The following GALNTL6 variants were observed in gnomAD, a reference collection of about 807,000 sequenced individuals.
The protein encoded by GALNTL6 is polypeptide N-acetylgalactosaminyltransferase like 6.
A neutral mutation model predicts 73.7 loss-of-function variants in GALNTL6; 46 were observed. The ratio of observed to expected loss-of-function variants is 0.62; its 90% CI spans 0.49 to 0.80. The LOEUF (loss-of-function observed/expected upper bound fraction) is 0.80. Among genes scored for constraint, GALNTL6 ranks in the 30% least tolerant of loss-of-function variants. The probability of loss-of-function intolerance (pLI) is 0.00; values close to 1 mark genes in which losing one functional copy is unlikely to be tolerated. For missense variants in GALNTL6, 604 were observed against 755.0 expected, an observed-to-expected ratio of 0.80 and a Z score of 2.34; for synonymous variants, 259 against 263.7, an observed-to-expected ratio of 0.98 and a Z score of 0.17.
intron 2 of GALNTL6, among the ~76,000 whole-genome samples, chr4:171,903,193 A>G (rs1031891470): frequency 3.3e-5 from 5 of 152,152 alleles, no homozygotes; most frequent in Admixed American, 6.5e-5. Context: ...CGTGAGCGAC[A>G]CAGAAGACAG....
At chr4:172,572,739 A>T (rs1179050258) in intron 5 of GALNTL6, among the ~76,000 whole-genome samples, 1 of 152,104 alleles carries the variant, frequency 6.6e-6, no homozygotes, top group East Asian at 1.9e-4. Flanking sequence ...CGAATGTTCC[A>T]TCTGAAAAAC....
Position 172,096,643 on chromosome 4 carries a change from AT to A in GALNTL6, c.139-133006del, listed in dbSNP as rs945670907. 8.6e-5 allele frequency among the ~76,000 whole-genome samples: 13 copies of A among 151,852 alleles called. No homozygotes were observed. In the East Asian group the frequency reaches 9.7e-4, roughly 11 times the overall value. ...GTTTTGTTTGATCCACAAATAATTA[AT>A]TTTTTTCTTTTCAAATTTTTCTGTT... On this transcript the variant is annotated intron_variant, in intron 2 of 12. Coordinates refer to ENST00000506823, the MANE Select transcript of GALNTL6 (RefSeq NM_001034845.3).
intron 2 of GALNTL6, among the ~76,000 whole-genome samples, chr4:172,206,787 G>A (rs201168512): frequency 3.1e-5 from 1 of 32,472 alleles, no homozygotes; most frequent in Non-Finnish European, 9.4e-5. Flanking sequence ...TTTTTGTTTT[G>A]TTTTGTTTTG....
chr4:172,964,753 C>T (rs917737119), intron 10 of GALNTL6, among the ~76,000 whole-genome samples: 17 of 152,228 alleles, frequency 1.1e-4, no homozygotes, highest in African/African-American at 3.9e-4. Flanking sequence ...CTAGGAGATG[C>T]ATTATCTCAA....
intron 7 of GALNTL6, among the ~76,000 whole-genome samples, chr4:172,875,732 AACACACACACAC>A (rs59079970): frequency 8.9e-5 from 13 of 145,824 alleles, no homozygotes; most frequent in African/African-American, 2.8e-4. Context: ...CTCATACATA[AACACACACACAC>A]ACACACACAC....
chr4:173,037,990 G>A (rs771032389), intron 12 of GALNTL6, among the ~76,000 whole-genome samples: 9 of 152,130 alleles, frequency 5.9e-5, no homozygotes, highest in Admixed American at 4.6e-4. Context: ...TGATCTGCCC[G>A]CCATGGCCTC....
chr4:171,839,901 A>G (rs1024635796), intron 2 of GALNTL6, among the ~76,000 whole-genome samples: 3 of 152,032 alleles, frequency 2.0e-5, no homozygotes, highest in African/African-American at 7.2e-5. Context: ...TTTTTGCATC[A>G]TTTAAATGTA....
intron 2 of GALNTL6, among the ~76,000 whole-genome samples, chr4:172,178,698 A>C (rs1735131235): frequency 7.4e-6 from 1 of 135,526 alleles, no homozygotes; most frequent in Admixed American, 7.7e-5. Context: ...GTACATGTGC[A>C]CATTGTGCAG....
At chr4:172,557,835 G>A (rs537039230) in intron 5 of GALNTL6, among the ~76,000 whole-genome samples, 3 of 150,666 alleles carry the variant, frequency 2.0e-5, no homozygotes, top group African/African-American at 7.5e-5. Context: ...AGAAATCTAG[G>A]TGTTTTTTTT....
intron 5 of GALNTL6, among the ~76,000 whole-genome samples, chr4:172,565,519 G>A (rs1196486683): frequency 6.6e-6 from 1 of 152,074 alleles, no homozygotes; most frequent in African/African-American, 2.4e-5. Flanking sequence ...ATTTTGTTGA[G>A]GATATTTGCA....
At chr4:173,017,541 A>G (rs1752830994) in intron 11 of GALNTL6, among the ~76,000 whole-genome samples, 1 of 152,254 alleles carries the variant, frequency 6.6e-6, no homozygotes, top group African/African-American at 2.4e-5. Context: ...GGCCACTGAG[A>G]TAAGATAAAT....
chr4:172,853,610 T>TC (rs1027737227), intron 7 of GALNTL6, among the ~76,000 whole-genome samples: 2 of 152,144 alleles, frequency 1.3e-5, no homozygotes, highest in African/African-American at 4.8e-5. Flanking sequence ...CCTTAACTCT[T>TC]CCCCAACAAC....
At chr4:172,256,446 T>C (rs1213609088) in intron 3 of GALNTL6, among the ~76,000 whole-genome samples, 1 of 151,474 alleles carries the variant, frequency 6.6e-6, no homozygotes, top group East Asian at 1.9e-4. Context: ...AGTTAAATCA[T>C]TTCAACTGAA....
At chr4:171,923,114 A>G (rs1159716987) in intron 2 of GALNTL6, among the ~76,000 whole-genome samples, 4 of 152,212 alleles carry the variant, frequency 2.6e-5, no homozygotes, top group African/African-American at 9.6e-5. Context: ...CTGTAGGTCA[A>G]CTACTAAATA....
chr4:172,108,473 C>T (rs1167415012), intron 2 of GALNTL6, among the ~76,000 whole-genome samples: 5 of 152,128 alleles, frequency 3.3e-5, no homozygotes, highest in Non-Finnish European at 5.9e-5. Flanking sequence ...CCTAAACAGT[C>T]AGGAAGTCAA....
chr4:172,461,339 A>G (rs1026479615), intron 5 of GALNTL6, among the ~76,000 whole-genome samples: 5 of 152,212 alleles, frequency 3.3e-5, no homozygotes, highest in Non-Finnish European at 7.3e-5. Flanking sequence ...TGTTCTTCAC[A>G]TGTATCCCAG....
intron 2 of GALNTL6, among the ~76,000 whole-genome samples, chr4:172,156,529 CATATATATATAATATATATATAT>C (rs1357402781): frequency 2.8e-5 from 2 of 71,616 alleles, no homozygotes; most frequent in Admixed American, 1.6e-4. Flanking sequence ...TTTAAATATA[CATATATATATAATATATATATAT>C]ATATATATAT....
chr4:172,156,292 G>C (rs1001180703), intron 2 of GALNTL6, among the ~76,000 whole-genome samples: 1 of 151,972 alleles, frequency 6.6e-6, no homozygotes, highest in Non-Finnish European at 1.5e-5. Context: ...TTGAGCCTTG[G>C]GGCTGGGCCT....
intron 2 of GALNTL6, among the ~76,000 whole-genome samples, chr4:172,161,071 A>C (rs1481503007): frequency 3.9e-5 from 6 of 151,972 alleles, no homozygotes. Context: ...TGATAAAGGA[A>C]GATTTAGAGA....
Sources: gnomAD v4.1 joint callset for allele counts (sites outside exome capture counted in the v4.1 genomes callset) on GRCh38, gnomAD v4.1.1 for gene constraint, MANE v1.5 for transcripts, NCBI Gene and HGNC (gene_info 2026-07-23, HGNC 2026-07-21) for gene names.